DNAH14: variants seen among roughly 807,000 people sequenced by gnomAD.
DNAH14 encodes dynein axonemal heavy chain 14.
Under a neutral mutation model 520.9 loss-of-function variants are expected in DNAH14, and 478 were observed. The observed-to-expected ratio is 0.92, with a 90% CI of 0.85 to 0.99. The LOEUF (loss-of-function observed/expected upper bound fraction) is 0.99, where lower values mean the gene tolerates loss of function less well. Among genes scored for constraint, DNAH14 ranks in the 50% least tolerant of loss-of-function variants. The pLI, the probability that DNAH14 is intolerant of heterozygous loss-of-function variation, is 0.00. For missense variants in DNAH14, 4,831 were observed against 5,234.5 expected (o/e 0.92, Z 2.38); for synonymous variants, 1,581 against 1,757.2 (o/e 0.90, Z 2.51).
chr1:225,157,098 G>A (rs940625639), intron 34 of DNAH14, among the ~76,000 whole-genome samples: 3 of 152,004 alleles, frequency 2.0e-5, no homozygotes, highest in Non-Finnish European at 4.4e-5. Context: ...TTTGTAGGGG[G>A]CATTTTTTTT....
chr1:225,231,104 G>C lies in DNAH14; in HGVS notation c.6471G>C (p.Glu2157Asp), dbSNP rs1327730339. ...ATTTGAATGACACGTCATCTAAGGA[G>C]GCAAATTCCCAAAGAGAGTCTGTCA... ...SDDLNDTSSKEANSQRESVTF... is the reference protein window; with the variant it reads ...SDDLNDTSSKDANSQRESVTF... The change falls in exon 42 of 86, where the codon GAG (glutamate) becomes GAC (aspartate). Residue 2157 changes from glutamate to aspartate, a missense_variant. Glu to Asp is a conservative substitution (Grantham distance 45). Transcript: ENST00000682510. 1.3e-6 allele frequency: 2 copies of C among 1,547,514 alleles called. No homozygotes were observed. The highest frequency in any genetic ancestry group is 2.4e-5 in the South Asian group (2 of 83,300).
At chr1:224,999,690 C>T (rs895151432) in intron 8 of DNAH14, among the ~76,000 whole-genome samples, 3 of 151,608 alleles carry the variant, frequency 2.0e-5, no homozygotes, top group Admixed American at 6.6e-5. Flanking sequence ...TTTAAGAATT[C>T]CATTTTGATT....
At chr1:225,291,541 C>G (rs938910825) in intron 55 of DNAH14, among the ~76,000 whole-genome samples, 7 of 152,034 alleles carry the variant, frequency 4.6e-5, no homozygotes, top group African/African-American at 1.7e-4. Context: ...CTTAGCCTCC[C>G]AAGTAGCTGA....
In DNAH14 at chr1:225,366,482, T is replaced by C. The variant is rs929938073; in HGVS notation, c.12091-1323T>C. On this transcript the variant is annotated intron_variant, in intron 76 of 85. Coordinates refer to ENST00000682510, the MANE Select transcript of DNAH14 (RefSeq NM_001367479.1). ...CTGAAGGCGGACAGACACCTACTTTTAGAGATATGAGAATGAGTTCTTTAA... is the reference window on the plus strand; with the variant it reads ...CTGAAGGCGGACAGACACCTACTTTCAGAGATATGAGAATGAGTTCTTTAA... Among the ~76,000 whole-genome samples, 6 of 152,300 alleles carry C rather than the reference T, an allele frequency of 3.9e-5. No individual in the cohort carries two copies. The South Asian group carries it at 1.2e-3, about 32-fold the overall frequency.
intron 17 of DNAH14, among the ~76,000 whole-genome samples, chr1:225,078,869 T>TCTCC (rs1558884449): frequency 7.7e-5 from 1 of 12,950 alleles, no homozygotes; most frequent in Non-Finnish European, 1.8e-4. Context: ...CCTCTCTCTC[T>TCTCC]CTCTCTCTCT....
At chr1:225,295,761 T>G (rs1320167681) in intron 55 of DNAH14, among the ~76,000 whole-genome samples, 1 of 152,236 alleles carries the variant, frequency 6.6e-6, no homozygotes, top group Non-Finnish European at 1.5e-5. Flanking sequence ...GTCTGTTAGG[T>G]CCACTTGGTC....
At chr1:224,967,783 G>A (rs1234502159) in intron 6 of DNAH14, 200 bp downstream of exon 6, 1 of 1,442,610 alleles carries the variant, frequency 6.9e-7, no homozygotes, top group Non-Finnish European at 9.1e-7. Context: ...TAGGTTTGAA[G>A]ATTCAACTTT....
Position 225,353,859 on chromosome 1 carries a change from A to C in DNAH14, c.11590A>C (p.Lys3864Gln). ...TAATCCTATAAATTTTCCCTGGGAG[A>C]AACTCACTTCATTTCAAAGACTTAT... ...TCNPINFPWEKLTSFQRLILV... is the reference protein window; with the variant it reads ...TCNPINFPWEQLTSFQRLILV... Residue 3864 changes from lysine to glutamine, a missense_variant, in exon 73 of 86, where the codon AAA (lysine) becomes CAA (glutamine). Coordinates refer to ENST00000682510, the MANE Select transcript of DNAH14 (RefSeq NM_001367479.1). 6.8e-7 allele frequency: 1 copy of C among 1,463,608 alleles called. No individual in the cohort carries two copies. 90.7% of individuals were successfully genotyped at this position (1,463,608 alleles called of 1,614,324 possible).
In DNAH14 at chr1:225,210,834, C is replaced by T. The variant is rs987816002; in HGVS notation, c.6439+3614C>T. 2.6e-5 allele frequency among the ~76,000 whole-genome samples: 4 copies of T among 152,202 alleles called. No homozygotes were observed. The East Asian group carries it at 7.7e-4, about 29-fold the overall frequency. ...GGCAGCAATCTTTGCTGTTCTGCAACCTCCGCTGCTGATACCCAGGCAAAC... is the reference window on the plus strand; with the variant it reads ...GGCAGCAATCTTTGCTGTTCTGCAATCTCCGCTGCTGATACCCAGGCAAAC... On this transcript the variant is annotated intron_variant, in intron 41 of 85. Transcript: ENST00000682510.
At chr1:225,197,090 G>A (rs1213200723) in intron 38 of DNAH14, among the ~76,000 whole-genome samples, 1 of 152,026 alleles carries the variant, frequency 6.6e-6, no homozygotes, top group Non-Finnish European at 1.5e-5. Flanking sequence ...TTTGCTTTTG[G>A]GTTCTTGGTC....
At chr1:225,379,697 G>A (rs1290278962) in intron 79 of DNAH14, among the ~76,000 whole-genome samples, 1 of 151,928 alleles carries the variant, frequency 6.6e-6, no homozygotes, top group African/African-American at 2.4e-5. Flanking sequence ...GCTAACTTTT[G>A]TATTTTTAGT....
At chr1:225,274,558 G>T (rs1439488341) in intron 52 of DNAH14, among the ~76,000 whole-genome samples, 2 of 152,176 alleles carry the variant, frequency 1.3e-5, no homozygotes, top group Non-Finnish European at 2.9e-5. Flanking sequence ...GTATCTAATT[G>T]TGGTTTTGAT....
rs4653601 is a variant in DNAH14 at position 225,059,481 on chromosome 1, T to A, written c.2424+7686T>A. On this transcript the variant is annotated intron_variant, in intron 17 of 85. Transcript: ENST00000682510. ...CTGATGGGTCTTGACTCTTTATCCATTTTGCCAGTGTGTGTCTTTTAATTG... is the reference window on the plus strand; with the variant it reads ...CTGATGGGTCTTGACTCTTTATCCAATTTGCCAGTGTGTGTCTTTTAATTG... Among the ~76,000 whole-genome samples, 95 of 149,976 alleles carry A rather than the reference T, an allele frequency of 6.3e-4. 2 individuals carry two copies. The highest frequency in any genetic ancestry group is 3.4e-3 in the Middle Eastern group (1 of 292).
chr1:225,254,411 T>A (rs548120406), intron 44 of DNAH14, among the ~76,000 whole-genome samples: 26 of 152,204 alleles, frequency 1.7e-4, no homozygotes, highest in Non-Finnish European at 3.7e-4. Context: ...AGACACAATG[T>A]TGCAGGTGAA....
chr1:225,182,345 T>C (rs187751574), intron 36 of DNAH14, among the ~76,000 whole-genome samples: 2 of 152,096 alleles, frequency 1.3e-5, no homozygotes, highest in Non-Finnish European at 2.9e-5. Flanking sequence ...ACTGGCACCT[T>C]AAAAAAATTC....
At chr1:225,041,104 G>C (rs1003823906) in intron 12 of DNAH14, among the ~76,000 whole-genome samples, 3 of 152,180 alleles carry the variant, frequency 2.0e-5, no homozygotes, top group Non-Finnish European at 2.9e-5. Context: ...CTGCATGAAC[G>C]AGCAGACTGC....
chr1:225,375,135 G>A (rs2095680415), intron 78 of DNAH14, among the ~76,000 whole-genome samples: 1 of 151,800 alleles, frequency 6.6e-6, no homozygotes, highest in Non-Finnish European at 1.5e-5. Context: ...CAAAGCACAA[G>A]GAAGCTAACA....
chr1:225,271,820 C>A (rs2093322582), intron 50 of DNAH14, 86 bp from the exon 51 acceptor site: 2 of 1,025,308 alleles, frequency 2.0e-6, no homozygotes, highest in East Asian at 2.6e-5. Flanking sequence ...TTATAGTACA[C>A]AAGTCCGCTT....
At chr1:225,141,527 T>C (rs1022723854) in intron 28 of DNAH14, among the ~76,000 whole-genome samples, 1 of 152,064 alleles carries the variant, frequency 6.6e-6, no homozygotes, top group Non-Finnish European at 1.5e-5. Context: ...AAGGGGACAT[T>C]ACTGCACCCT....
Sources: allele counts gnomAD v4.1 joint callset (sites outside exome capture counted in the v4.1 genomes callset), GRCh38; gene constraint gnomAD v4.1.1; transcripts MANE v1.5; gene names NCBI Gene and HGNC (gene_info 2026-07-23, HGNC 2026-07-21).